The following SCGB3A2 variants were observed in gnomAD, a reference collection of about 807,000 sequenced individuals.
The protein encoded by SCGB3A2 is pneumo secretory protein 1.
A neutral mutation model predicts 7.7 loss-of-function variants in SCGB3A2; 5 were observed. The observed-to-expected ratio is 0.65, with a 90% CI of 0.34 to 1.36. The LOEUF is 1.36. Among genes scored for constraint, SCGB3A2 ranks in the 40% most tolerant of loss-of-function variants. SCGB3A2 has a pLI of 0.04. For synonymous variants in SCGB3A2, 44 were observed against 42.7 expected, an observed-to-expected ratio of 1.03 and a Z score of -0.12; for missense variants, 109 against 103.6, an observed-to-expected ratio of 1.05 and a Z score of -0.23.
At chr5:147,878,951 G>A in intron 1 of SCGB3A2, 93 bp downstream of exon 1, 2 of 807,816 alleles carry the variant, frequency 2.5e-6, no homozygotes, top group Non-Finnish European at 2.1e-6. Flanking sequence ...ACTGACAGTG[G>A]AATATGGTGG....
At chr5:147,879,830 C>A (rs538531218) in intron 1 of SCGB3A2, among the ~76,000 whole-genome samples, 1 of 152,208 alleles carries the variant, frequency 6.6e-6, no homozygotes. Context: ...TTGATTGCCG[C>A]CCACACCTAC....
At chr5:147,880,565 T>C (rs1440738638) in intron 1 of SCGB3A2, among the ~76,000 whole-genome samples, 2 of 152,200 alleles carry the variant, frequency 1.3e-5, no homozygotes, top group African/African-American at 4.8e-5. Context: ...CTTCTCCTCT[T>C]CTTTACCTTA....
intron 1 of SCGB3A2, among the ~76,000 whole-genome samples, 173 bp downstream of exon 1, chr5:147,879,031 A>C (rs553326477): frequency 6.6e-5 from 10 of 152,172 alleles, no homozygotes; most frequent in African/African-American, 2.4e-4. Flanking sequence ...GCAGGGTTGG[A>C]AGAAGTTTTG....
chr5:147,879,505 C>T (rs1366344993), intron 1 of SCGB3A2, among the ~76,000 whole-genome samples: 2 of 152,200 alleles, frequency 1.3e-5, no homozygotes, highest in Non-Finnish European at 2.9e-5. Context: ...TTCTAGACTA[C>T]TGTAAACGTA....
In SCGB3A2 at chr5:147,881,440, C is replaced by G; in HGVS notation, c.56-6C>G. On this transcript the variant is annotated splice_region_variant and splice_polypyrimidine_tract_variant and intron_variant, in intron 1 of 2. Coordinates refer to ENST00000296694, the MANE Select transcript of SCGB3A2 (RefSeq NM_054023.5). ...CTGTCTCACCTGGTTTCTCTTTTTC[C>G]TGCAGCTACTGCCTTCCTCATCAAC... 1 of 1,613,376 alleles carries G rather than the reference C, an allele frequency of 6.2e-7. No individual in the cohort carries two copies. The highest frequency in any genetic ancestry group is 1.1e-5 in the South Asian group (1 of 91,018).
chr5:147,879,274 G>A (rs530589524), intron 1 of SCGB3A2, among the ~76,000 whole-genome samples: 1 of 152,312 alleles, frequency 6.6e-6, no homozygotes, highest in African/African-American at 2.4e-5. Context: ...ACTATATGGA[G>A]TCATTCTTGC....
At position 147,882,131 on chromosome 5, in the gene SCGB3A2, A is replaced by T. The variant is rs940260514; in HGVS notation, c.*81A>T. The T allele has an allele frequency of 2.4e-5, 33 of 1,357,846 alleles. No individual in the cohort carries two copies. The African/African-American group carries it at 3.2e-4, about 13-fold the overall frequency. The allele number at this position is 1,357,846 out of a possible 1,614,324, so 84.1% of individuals were successfully genotyped here. On this transcript the variant is annotated 3_prime_UTR_variant, in exon 3 of 3. Coordinates refer to ENST00000296694, the MANE Select transcript of SCGB3A2 (RefSeq NM_054023.5). ...CTGCCTGAAACCTGTTCTACCAATT[A>T]TAGATCAAATGCCCTAAAATGTAGT...
Position 147,881,439 on chromosome 5 carries a change from C to T in SCGB3A2, c.56-7C>T, listed in dbSNP as rs1182250539. The T allele has an allele frequency of 6.2e-7, 1 of 1,613,116 alleles. No individual in the cohort carries two copies. The highest frequency in any genetic ancestry group is 1.7e-5 in the Admixed American group (1 of 59,978). The stretch of plus-strand genomic sequence containing the variant: ...CCTGTCTCACCTGGTTTCTCTTTTT[C>T]CTGCAGCTACTGCCTTCCTCATCAA... On this transcript the variant is annotated splice_region_variant and splice_polypyrimidine_tract_variant and intron_variant, in intron 1 of 2. Transcript: ENST00000296694.
At chr5:147,880,747 A>G (rs1382926608) in intron 1 of SCGB3A2, 1 of 152,272 alleles carries the variant, frequency 6.6e-6, no homozygotes, top group Non-Finnish European at 1.5e-5. Context: ...TCTATCACCA[A>G]CTGGACTGTG....
Position 147,878,720 on chromosome 5 carries a change from A to G in SCGB3A2, c.-84A>G. The G allele has an allele frequency of 2.0e-6, 2 of 1,017,502 alleles. No homozygotes were observed. Among genetic ancestry groups the G allele is most frequent in the East Asian group, 4.8e-5 (2 of 42,016 alleles). The allele number at this position is 1,017,502 out of a possible 1,614,324, so 63.0% of individuals were successfully genotyped here. A position where few individuals can be genotyped will look rare whatever the true frequency, so the allele number is the denominator to read the frequency against. On this transcript the variant is annotated 5_prime_UTR_variant, in exon 1 of 3. It removes an upstream start codon present in the reference 5' UTR. Coordinates refer to ENST00000296694, the MANE Select transcript of SCGB3A2 (RefSeq NM_054023.5). The stretch of plus-strand genomic sequence containing the variant: ...TGCAAAAGCAGCCATCACACTTTGT[A>G]TGGCAAGTGGAACCACTGGCTTGGT...
Position 147,878,841 on chromosome 5 carries a change from G to A in SCGB3A2, c.38G>A (p.Ser13Asn), listed in dbSNP as rs746029169. The stretch of plus-strand genomic sequence containing the variant: ...ACTATCTTCCTGCTGGTGACCATCA[G>A]CCTTTGTAGTTACTCTGGTAAGTAA... The part of the protein sequence containing the change: ...LVTIFLLVTI[S>N]LCSYSATAFL... Residue 13 changes from serine to asparagine, a missense_variant, in exon 1 of 3, where the codon AGC (serine) becomes AAC (asparagine). By Grantham distance (46) the Ser-to-Asn change is conservative. Transcript: ENST00000296694. 2 of 1,611,642 alleles carry A rather than the reference G, an allele frequency of 1.2e-6. No homozygotes were observed. The highest frequency in any genetic ancestry group is 1.7e-6 in the Non-Finnish European group (2 of 1,177,820).
chr5:147,879,718 A>G (rs1314658470), intron 1 of SCGB3A2, among the ~76,000 whole-genome samples: 3 of 152,230 alleles, frequency 2.0e-5, no homozygotes, highest in African/African-American at 7.2e-5. Flanking sequence ...TTGAGAGAAC[A>G]GAAGGCTTTG....
chr5:147,878,918 G>A (rs1757302649), intron 1 of SCGB3A2, 60 bp downstream of exon 1: 4 of 1,207,522 alleles, frequency 3.3e-6, no homozygotes, highest in Non-Finnish European at 4.9e-6. Flanking sequence ...GTTAATAAGA[G>A]CACAACTAGT....
intron 1 of SCGB3A2, among the ~76,000 whole-genome samples, chr5:147,879,972 TG>T (rs1293427443): frequency 6.6e-6 from 1 of 151,884 alleles, no homozygotes; most frequent in Non-Finnish European, 1.5e-5. Context: ...AGAAAGGAGG[TG>T]GGGAAAATAA....
At chr5:147,879,085 A>G (rs1224108071) in intron 1 of SCGB3A2, among the ~76,000 whole-genome samples, 3 of 152,180 alleles carry the variant, frequency 2.0e-5, no homozygotes, top group Non-Finnish European at 2.9e-5. Context: ...TCAGATCCCC[A>G]CCATCTAAGC....
At chr5:147,878,930 A>G in intron 1 of SCGB3A2, 72 bp downstream of exon 1, 1 of 1,085,284 alleles carries the variant, frequency 9.2e-7, no homozygotes, top group Non-Finnish European at 1.4e-6. Flanking sequence ...ACAACTAGTA[A>G]GCCTTGCCTC....
chr5:147,881,903 C>A, intron 2 of SCGB3A2, 124 bp from the exon 3 acceptor site: 1 of 1,034,938 alleles, frequency 9.7e-7, no homozygotes, highest in Non-Finnish European at 1.5e-6. Context: ...GACGTAATCA[C>A]TCTGAGTTTT....
chr5:147,881,664 G>A lies in SCGB3A2; in HGVS notation c.258+16G>A. 1 of 1,608,236 alleles carries A rather than the reference G, an allele frequency of 6.2e-7. No homozygotes were observed. The highest frequency in any genetic ancestry group is 8.5e-7 in the Non-Finnish European group (1 of 1,176,172). ...GAAACTGCTGGTAACCACAGCTTGGGAGGCTAATCTGCCAAAGGGGAGGCA... is the reference window on the plus strand; with the variant it reads ...GAAACTGCTGGTAACCACAGCTTGGAAGGCTAATCTGCCAAAGGGGAGGCA... On this transcript the variant is annotated intron_variant, in intron 2 of 2. Transcript: ENST00000296694.
At chr5:147,880,046 A>G (rs1208818832) in intron 1 of SCGB3A2, among the ~76,000 whole-genome samples, 2 of 151,800 alleles carry the variant, frequency 1.3e-5, no homozygotes, top group African/African-American at 4.9e-5. Context: ...TTAAAAAAAT[A>G]TATACAGGCT....
Sources: allele counts gnomAD v4.1 joint callset (sites outside exome capture counted in the v4.1 genomes callset), GRCh38; gene constraint gnomAD v4.1.1; transcripts MANE v1.5; gene names NCBI Gene and HGNC (gene_info 2026-07-23, HGNC 2026-07-21).